The following NECTIN2 variants were observed in gnomAD, a reference collection of about 807,000 sequenced individuals.
NECTIN2 encodes the protein nectin cell adhesion molecule 2.
In NECTIN2, 23 loss-of-function variants were observed where a neutral mutation model predicts 56.9. The observed-to-expected ratio is 0.40, with a 90% CI of 0.29 to 0.57. The LOEUF is 0.57. Ranked by LOEUF, NECTIN2 falls within the 20% of genes least tolerant of loss-of-function variation. The probability of loss-of-function intolerance (pLI) is 0.38; values close to 1 mark genes in which losing one functional copy is unlikely to be tolerated. For missense variants in NECTIN2, 587 were observed against 718.3 expected (o/e 0.82, Z 2.09); for synonymous variants, 302 against 313.8 (o/e 0.96, Z 0.40).
Position 44,874,275 on chromosome 19 carries a change from C to G in NECTIN2, c.894-55C>G. 6.3e-7 allele frequency: 1 copy of G among 1,576,664 alleles called. No homozygotes were observed. Among genetic ancestry groups the G allele is most frequent in the Non-Finnish European group, 8.7e-7 (1 of 1,146,908 alleles). ...GTGGGTGTATCTTTAGGGATGAGGC[C>G]TGTGCTCCCCTCTCGACCTTGGTAT... On this transcript the variant is annotated intron_variant, in intron 4 of 8. Transcript: ENST00000252483. The surrounding 1 kb of genome is among the most constrained non-coding windows in gnomAD (Gnocchi z 6.3).
intron 1 of NECTIN2, among the ~76,000 whole-genome samples, chr19:44,852,751 G>A (rs553742237): frequency 6.6e-6 from 1 of 152,170 alleles, no homozygotes; most frequent in East Asian, 1.9e-4. Flanking sequence ...AGAAGGAGGT[G>A]ACAGGGTTTC....
chr19:44,849,389 C>T (rs375693181), intron 1 of NECTIN2, among the ~76,000 whole-genome samples: 2 of 152,040 alleles, frequency 1.3e-5, no homozygotes, highest in Non-Finnish European at 1.5e-5. Context: ...GCAGAGGTGC[C>T]GTGACCCACG....
intron 1 of NECTIN2, among the ~76,000 whole-genome samples, chr19:44,862,466 TA>T (rs60608124): frequency 0.21 from 20,282 of 96,966 alleles, 1,466 homozygotes; most frequent in Admixed American, 0.25. Context: ...CCTGGAACAA[TA>T]AAAAAAAAAA....
chr19:44,854,668 C>T (rs1188165812), intron 1 of NECTIN2, among the ~76,000 whole-genome samples: 2 of 151,756 alleles, frequency 1.3e-5, no homozygotes, highest in African/African-American at 2.4e-5. Flanking sequence ...CAAAAATTAG[C>T]TGGGTATGGT....
rs183096992 is a variant in NECTIN2, at chr19:44,887,506, G to A, written c.1348-604G>A. On this transcript the variant is annotated intron_variant, in intron 8 of 8. Coordinates refer to ENST00000252483, the MANE Select transcript of NECTIN2 (RefSeq NM_001042724.2). ...TAAAAATTACAAAAATTAGCTGGGCGTGGTGGCGGGCGCCTGTAATCCCAG... is the reference window on the plus strand; with the variant it reads ...TAAAAATTACAAAAATTAGCTGGGCATGGTGGCGGGCGCCTGTAATCCCAG... Among the ~76,000 whole-genome samples, 10 of 150,950 alleles carry A rather than the reference G, an allele frequency of 6.6e-5. No individual in the cohort carries two copies. The East Asian group carries it at 7.8e-4, about 12-fold the overall frequency.
At chr19:44,869,358 C>G (rs896287237) in intron 2 of NECTIN2, among the ~76,000 whole-genome samples, 2 of 151,764 alleles carry the variant, frequency 1.3e-5, no homozygotes, top group East Asian at 3.9e-4. Context: ...TTTGGGAGGC[C>G]GAGGCAGGCG....
At chr19:44,884,588 T>C (rs994598766) in intron 6 of NECTIN2, among the ~76,000 whole-genome samples, 1 of 152,258 alleles carries the variant, frequency 6.6e-6, no homozygotes, top group Non-Finnish European at 1.5e-5. Flanking sequence ...AGCTCCATGC[T>C]GTGACCCACT....
In NECTIN2 at chr19:44,874,250, G is replaced by A; in HGVS notation, c.894-80G>A. On this transcript the variant is annotated intron_variant, in intron 4 of 8. Coordinates refer to ENST00000252483, the MANE Select transcript of NECTIN2 (RefSeq NM_001042724.2). This position sits in a 1 kb window ranked among gnomAD's most constrained non-coding sequence, Gnocchi z 6.3. The stretch of plus-strand genomic sequence containing the variant: ...TTAGGTCCCTGGAGCTTGGCTCCTG[G>A]TGGGTGTATCTTTAGGGATGAGGCC... The A allele has an allele frequency of 6.6e-7, 1 of 1,524,648 alleles. No homozygotes were observed. The highest frequency in any genetic ancestry group is 9.1e-7 in the Non-Finnish European group (1 of 1,104,266). The allele number at this position is 1,524,648 out of a possible 1,614,324, so 94.4% of individuals were successfully genotyped here.
chr19:44,857,457 A>G (rs1252397471), intron 1 of NECTIN2, among the ~76,000 whole-genome samples: 1 of 151,104 alleles, frequency 6.6e-6, no homozygotes, highest in Non-Finnish European at 1.5e-5. Context: ...GCTGGAGTGT[A>G]GTGGCACAAT....
chr19:44,876,381 C>T (rs370705), intron 5 of NECTIN2, among the ~76,000 whole-genome samples: 51,145 of 151,776 alleles, frequency 0.34, 9,306 homozygotes, highest in East Asian at 0.69. Flanking sequence ...AGAACACAGA[C>T]GCAATAGAGA....
Position 44,879,020 on chromosome 19 carries a change from G to A in NECTIN2, c.1043-3191G>A, listed in dbSNP as rs1248930453. On this transcript the variant is annotated intron_variant, in intron 5 of 8. Transcript: ENST00000252483. Reference sequence around the variant, plus strand: ...GTGGGACAGGGACTCCTAGGTCCCAGGGCTGGGAAGAGCTGATCCACGCCC... The same window carrying A: ...GTGGGACAGGGACTCCTAGGTCCCAAGGCTGGGAAGAGCTGATCCACGCCC... The A allele has an allele frequency of 2.8e-5, 20 of 702,280 alleles. 1 individual carries two copies. The highest frequency in any genetic ancestry group is 3.5e-5 in the Non-Finnish European group (20 of 563,452). 43.5% of individuals were successfully genotyped at this position (702,280 alleles called of 1,614,324 possible). A position where few individuals can be genotyped will look rare whatever the true frequency, so the allele number is the denominator to read the frequency against.
chr19:44,854,775 T>G (rs1968943903), intron 1 of NECTIN2, among the ~76,000 whole-genome samples: 1 of 151,864 alleles, frequency 6.6e-6, no homozygotes, highest in Non-Finnish European at 1.5e-5. Flanking sequence ...ATTGCGCCAC[T>G]GCACTCCAGC....
chr19:44,872,098 C>G lies in NECTIN2; in HGVS notation c.724C>G (p.His242Asp). The change falls in exon 3 of 9, where the codon CAT becomes GAT. Residue 242 changes from histidine to aspartate, a missense_variant. By Grantham distance (81) the His-to-Asp change is moderately conservative. Coordinates refer to ENST00000252483, the MANE Select transcript of NECTIN2 (RefSeq NM_001042724.2). The part of the protein sequence containing the change: ...DGVTVTCKVE[H>D]ESFEEPALIP... ...TGTCACGGTCACCTGCAAAGTGGAG[C>G]ATGAGAGCTTCGAGGAACCAGCCCT... The G allele has an allele frequency of 6.2e-7, 1 of 1,614,202 alleles. No individual in the cohort carries two copies. Among genetic ancestry groups the G allele is most frequent in the South Asian group, 1.1e-5 (1 of 91,086 alleles).
chr19:44,865,126 T>G lies in NECTIN2; in HGVS notation c.89-145T>G. ...CCTAAAATGTCTTTTCCAGGTGGCT[T>G]TTTTGGAATCAGGATGCTGCGAAGC... On this transcript the variant is annotated intron_variant, in intron 1 of 8. Transcript: ENST00000252483. This position sits in a 1 kb window ranked among gnomAD's most constrained non-coding sequence, Gnocchi z 5.2. The G allele has an allele frequency of 1.2e-6, 1 of 855,122 alleles. No individual in the cohort carries two copies. Among genetic ancestry groups the G allele is most frequent in the Non-Finnish European group, 1.8e-6 (1 of 557,466 alleles). 53.0% of individuals were successfully genotyped at this position (855,122 alleles called of 1,614,324 possible). A position where few individuals can be genotyped will look rare whatever the true frequency, so the allele number is the denominator to read the frequency against.
chr19:44,883,531 T>G (rs1243682118), intron 6 of NECTIN2, among the ~76,000 whole-genome samples: 1 of 152,088 alleles, frequency 6.6e-6, no homozygotes, highest in South Asian at 2.1e-4. Flanking sequence ...CGCCTCGGCC[T>G]CCCAAAGTGC....
intron 5 of NECTIN2, among the ~76,000 whole-genome samples, chr19:44,879,821 T>C (rs138238273): frequency 3.1e-4 from 46 of 149,624 alleles, no homozygotes; most frequent in African/African-American, 1.1e-3. Context: ...TGCAGCCTCA[T>C]TGACCTCCAC....
chr19:44,856,580 T>A (rs929459375), intron 1 of NECTIN2, among the ~76,000 whole-genome samples: 6 of 152,174 alleles, frequency 3.9e-5, no homozygotes, highest in African/African-American at 1.4e-4. Context: ...ATGGCTTTCC[T>A]TGACCCTCAT....
chr19:44,886,164 A>G lies in NECTIN2; in HGVS notation c.1292A>G (p.Glu431Gly), dbSNP rs2122716528. The G allele has an allele frequency of 1.2e-6, 2 of 1,613,110 alleles. No homozygotes were observed. Among genetic ancestry groups the G allele is most frequent in the African/African-American group, 1.3e-5 (1 of 74,988 alleles). Residue 431 changes from glutamate to glycine, a missense_variant, in exon 8 of 9, where the codon GAG (glutamate) becomes GGG (glycine). Coordinates refer to ENST00000252483, the MANE Select transcript of NECTIN2 (RefSeq NM_001042724.2). ...PSQLFTLGAS[E>G]HSPLKTPYFD... is the part of the protein sequence containing the mutation. Reference sequence around the variant, plus strand: ...CAGCTCTTCACTCTGGGGGCCTCGGAGCACAGCCCACTCAAGACCCCCTAC... The same window carrying G: ...CAGCTCTTCACTCTGGGGGCCTCGGGGCACAGCCCACTCAAGACCCCCTAC...
chr19:44,859,482 C>T (rs374182681), intron 1 of NECTIN2, among the ~76,000 whole-genome samples: 1 of 152,116 alleles, frequency 6.6e-6, no homozygotes, highest in African/African-American at 2.4e-5. Flanking sequence ...GCTGTACTGC[C>T]GTGCACAGCA....
Sources: allele counts gnomAD v4.1 joint callset (sites outside exome capture counted in the v4.1 genomes callset), GRCh38; gene constraint gnomAD v4.1.1; non-coding constraint Gnocchi (gnomAD v3.1); transcripts MANE v1.5; gene names NCBI Gene and HGNC (gene_info 2026-07-23, HGNC 2026-07-21).